SNX29: variants seen among roughly 807,000 people sequenced by gnomAD.
The protein encoded by SNX29 is sorting nexin 29.
A neutral mutation model predicts 102.1 loss-of-function variants in SNX29; 78 were observed. The ratio of observed to expected loss-of-function variants is 0.76; its 90% confidence interval spans 0.64 to 0.92. The LOEUF (loss-of-function observed/expected upper bound fraction) is 0.92. Ranked by LOEUF, SNX29 falls within the 40% of genes least tolerant of loss-of-function variation. SNX29 has a pLI of 0.00. For missense variants in SNX29, 1,280 were observed against 1,061.7 expected (o/e 1.21, Z -2.86); for synonymous variants, 580 against 414.5 (o/e 1.40, Z -4.85).
intron 13 of SNX29, among the ~76,000 whole-genome samples, chr16:12,134,363 CT>C (rs2054583840): frequency 6.6e-6 from 1 of 152,180 alleles, no homozygotes; most frequent in Admixed American, 6.5e-5. Flanking sequence ...CTGAGGATGG[CT>C]TAGCCAGGGC....
intron 15 of SNX29, among the ~76,000 whole-genome samples, chr16:12,347,135 C>G (rs1428897638): frequency 6.6e-6 from 1 of 151,914 alleles, no homozygotes; most frequent in African/African-American, 2.4e-5. Flanking sequence ...CAGAGGTGAT[C>G]AAGGGAACCT....
Position 12,563,427 on chromosome 16 carries a change from G to A in SNX29, c.2319-5079G>A, listed in dbSNP as rs67863615. Among the ~76,000 whole-genome samples the A allele has an allele frequency of 8.4e-4, 128 of 152,152 alleles. 1 individual carries two copies. Among genetic ancestry groups the A allele is most frequent in the African/African-American group, 2.5e-3 (103 of 41,484 alleles). The stretch of plus-strand genomic sequence containing the variant: ...ATGGCGACTGGATTTTGTTCCTTGC[G>A]GTATGTCCTTTGCAGGTAAATTTAG... On this transcript the variant is annotated intron_variant, in intron 20 of 20. Transcript: ENST00000566228.
chr16:12,542,912 TTGCTTAGCAAAAC>T (rs1385977298), intron 20 of SNX29, among the ~76,000 whole-genome samples: 5 of 152,148 alleles, frequency 3.3e-5, no homozygotes, highest in African/African-American at 1.2e-4. Context: ...TAGGGAATCT[TTGCTTAGCAAAAC>T]TATAGAGCCC....
At chr16:12,025,302 CA>C (rs35724715) in intron 3 of SNX29, among the ~76,000 whole-genome samples, 1,825 of 60,440 alleles carry the variant, frequency 0.03, 11 homozygotes, top group Middle Eastern at 0.06. Context: ...AACTCCATCT[CA>C]AAAAAAAAAA....
chr16:12,003,886 A>C (rs1469344205), intron 3 of SNX29, among the ~76,000 whole-genome samples: 4 of 151,604 alleles, frequency 2.6e-5, no homozygotes, highest in Admixed American at 6.6e-5. Flanking sequence ...GCACACCTGT[A>C]GTCCCAGGGT....
chr16:12,446,080 G>C (rs926771556), intron 18 of SNX29, among the ~76,000 whole-genome samples: 53 of 119,388 alleles, frequency 4.4e-4, no homozygotes, highest in African/African-American at 1.6e-3. Context: ...TTTTGAGACA[G>C]AGCCTTGCTG....
intron 9 of SNX29, among the ~76,000 whole-genome samples, chr16:12,062,377 A>AAAT (rs2050811796): frequency 6.5e-5 from 9 of 137,642 alleles, no homozygotes; most frequent in Non-Finnish European, 1.2e-4. Context: ...ACTCTGTCTC[A>AAAT]AAATAAATAA....
chr16:12,502,389 C>T (rs1396287348), intron 19 of SNX29, among the ~76,000 whole-genome samples: 1 of 152,182 alleles, frequency 6.6e-6, no homozygotes, highest in Non-Finnish European at 1.5e-5. Context: ...CGGGGAATGG[C>T]TTCAGAATGT....
intron 20 of SNX29, among the ~76,000 whole-genome samples, chr16:12,562,206 C>T (rs970786008): frequency 2.0e-5 from 3 of 152,092 alleles, no homozygotes; most frequent in African/African-American, 7.2e-5. Context: ...GAGGAGTGAA[C>T]CCTGCTGGAG....
At chr16:12,410,896 G>A (rs190232657) in intron 18 of SNX29, among the ~76,000 whole-genome samples, 80 of 152,334 alleles carry the variant, frequency 5.3e-4, no homozygotes, top group African/African-American at 1.8e-3. Flanking sequence ...CAGGCTTTGC[G>A]TTTCTCAGCT....
At chr16:12,557,200 C>T (rs11645980) in intron 20 of SNX29, 27,770 of 152,070 alleles carry the variant, frequency 0.18, 2,822 homozygotes, top group East Asian at 0.43. Context: ...TCCAGGGCTC[C>T]AGAGGGAAAG....
chr16:12,052,650 T>G, intron 8 of SNX29: 1 of 191,790 alleles, frequency 5.2e-6, no homozygotes, highest in Non-Finnish European at 1.1e-5. Context: ...GGAGTGTTAT[T>G]TGGAAGGAGT....
At position 12,098,702 on chromosome 16, in the gene SNX29, A is replaced by G. The variant is rs2052876569; in HGVS notation, c.1402+19787A>G. 1.3e-5 allele frequency among the ~76,000 whole-genome samples: 2 copies of G among 152,228 alleles called. No homozygotes were observed. Among genetic ancestry groups the G allele is most frequent in the South Asian group, 2.1e-4 (1 of 4,828 alleles). Reference sequence around the variant, plus strand: ...CGTCACCTCCTCCAGACAGACAGACACGTGAAGATCAAGAGGCTAGCTTTG... The same window carrying G: ...CGTCACCTCCTCCAGACAGACAGACGCGTGAAGATCAAGAGGCTAGCTTTG... On this transcript the variant is annotated intron_variant, in intron 11 of 20. Transcript: ENST00000566228. The surrounding 1 kb of genome is among the most constrained non-coding windows in gnomAD (Gnocchi z 6.0).
intron 15 of SNX29, among the ~76,000 whole-genome samples, chr16:12,349,303 G>A (rs2081925297): frequency 6.6e-6 from 1 of 152,238 alleles, no homozygotes; most frequent in African/African-American, 2.4e-5. Flanking sequence ...CCGTGCCAAG[G>A]TCAAAGAGAG....
At chr16:12,553,605 T>G (rs1418311617) in intron 20 of SNX29, among the ~76,000 whole-genome samples, 6 of 115,264 alleles carry the variant, frequency 5.2e-5, no homozygotes, top group East Asian at 3.8e-4. Flanking sequence ...CCCCCACCCC[T>G]GCAAGATGGA....
chr16:12,562,629 A>C (rs777579317), intron 20 of SNX29, among the ~76,000 whole-genome samples: 1 of 152,198 alleles, frequency 6.6e-6, no homozygotes, highest in Non-Finnish European at 1.5e-5. Flanking sequence ...ACAGGCTATC[A>C]GGGTCTTCCC....
chr16:12,545,834 G>A (rs977458366), intron 20 of SNX29, among the ~76,000 whole-genome samples: 2 of 152,120 alleles, frequency 1.3e-5, no homozygotes, highest in African/African-American at 4.8e-5. Context: ...ACCTGTGGGG[G>A]AGGGGAGCAG....
intron 15 of SNX29, among the ~76,000 whole-genome samples, chr16:12,331,311 A>C (rs1388374118): frequency 6.6e-6 from 1 of 152,146 alleles, no homozygotes; most frequent in Non-Finnish European, 1.5e-5. Context: ...TTGGTCATGC[A>C]TTTCTTGGGC....
At chr16:12,377,725 G>A (rs773200014) in intron 16 of SNX29, among the ~76,000 whole-genome samples, 1 of 152,188 alleles carries the variant, frequency 6.6e-6, no homozygotes, top group Non-Finnish European at 1.5e-5. Context: ...TCTCGGGCCT[G>A]CAGTTTACAA....
Sources: allele counts gnomAD v4.1 joint callset (sites outside exome capture counted in the v4.1 genomes callset), GRCh38; gene constraint gnomAD v4.1.1; non-coding constraint Gnocchi (gnomAD v3.1); transcripts MANE v1.5; gene names NCBI Gene and HGNC (gene_info 2026-07-23, HGNC 2026-07-21).